Variants in TULP4 observed in about 807,000 individuals in gnomAD.
TULP4 encodes tubby-related protein 4.
TULP4 carries 16 observed loss-of-function variants against 129.0 expected under a neutral mutation model. The observed-to-expected ratio is 0.12, with a 90% CI of 0.08 to 0.19. The LOEUF is 0.19. Among genes scored for constraint, TULP4 ranks in the 10% least tolerant of loss-of-function variants. The pLI is 1.00. For synonymous variants in TULP4, 998 were observed against 854.0 expected (o/e 1.17, Z -2.94); for missense variants, 1,842 against 2,059.1 (o/e 0.89, Z 2.04).
At chr6:158,273,823 A>G (rs1349107472) in intron 1 of TULP4, among the ~76,000 whole-genome samples, 1 of 152,220 alleles carries the variant, frequency 6.6e-6, no homozygotes, top group African/African-American at 2.4e-5. Flanking sequence ...TACCAGGCAC[A>G]GTTTTAAGCA....
At chr6:158,294,792 C>T (rs1046934375) in intron 1 of TULP4, among the ~76,000 whole-genome samples, 5 of 152,076 alleles carry the variant, frequency 3.3e-5, no homozygotes, top group African/African-American at 7.2e-5. Context: ...AGCACAGTGG[C>T]GTGATCTCAG....
At chr6:158,403,541 T>A (rs180692057) in intron 1 of TULP4, among the ~76,000 whole-genome samples, 21 of 152,232 alleles carry the variant, frequency 1.4e-4, no homozygotes, top group African/African-American at 4.8e-4. Flanking sequence ...GGTTTCTCCA[T>A]GTTGGTCAGG....
At chr6:158,468,981 C>A (rs933042944) in intron 6 of TULP4, among the ~76,000 whole-genome samples, 2 of 152,200 alleles carry the variant, frequency 1.3e-5, no homozygotes, top group African/African-American at 4.8e-5. Context: ...TAGATTGCAA[C>A]AAGAATTTCG....
intron 5 of TULP4, among the ~76,000 whole-genome samples, chr6:158,459,136 TAGA>T (rs1310437040): frequency 2.0e-5 from 3 of 152,196 alleles, no homozygotes; most frequent in Non-Finnish European, 4.4e-5. Context: ...GCACCTGCAT[TAGA>T]AGAAGTCCTG....
At chr6:158,415,681 A>AC (rs1352552919) in intron 2 of TULP4, among the ~76,000 whole-genome samples, 15 of 151,328 alleles carry the variant, frequency 9.9e-5, no homozygotes, top group South Asian at 2.1e-4. Flanking sequence ...TTAAAAAAAA[A>AC]AAAAAAAGTT....
At chr6:158,468,450 G>A (rs1427337502) in intron 6 of TULP4, among the ~76,000 whole-genome samples, 3 of 152,034 alleles carry the variant, frequency 2.0e-5, no homozygotes, top group Non-Finnish European at 4.4e-5. Flanking sequence ...TTGAACCCCA[G>A]CATTATGTAA....
chr6:158,454,771 A>G (rs964479847), intron 5 of TULP4, among the ~76,000 whole-genome samples: 3 of 151,814 alleles, frequency 2.0e-5, no homozygotes, highest in Admixed American at 6.6e-5. Flanking sequence ...ACGCCTGGCT[A>G]ATTTTGGTAT....
intron 1 of TULP4, among the ~76,000 whole-genome samples, chr6:158,359,629 C>G (rs1304814758): frequency 6.6e-6 from 1 of 151,998 alleles, no homozygotes; most frequent in Non-Finnish European, 1.5e-5. Context: ...TGGTGCCCAC[C>G]CGGATTGAGG....
intron 1 of TULP4, among the ~76,000 whole-genome samples, chr6:158,292,381 G>T (rs781132128): frequency 6.6e-6 from 1 of 152,078 alleles, no homozygotes; most frequent in Non-Finnish European, 1.5e-5. Flanking sequence ...TTTTGTATCC[G>T]CTCTTGTGTC....
intron 1 of TULP4, 138 bp from the exon 2 acceptor site, chr6:158,412,927 C>T (rs1778129236): frequency 8.0e-7 from 1 of 1,248,484 alleles, no homozygotes; most frequent in South Asian, 1.7e-5. Context: ...TGTTCCCTGC[C>T]CTGATCCCTG....
chr6:158,308,865 G>A (rs1367637697), upstream of TULP4, among the ~76,000 whole-genome samples: 1 of 139,606 alleles, frequency 7.2e-6, no homozygotes, highest in Non-Finnish European at 1.6e-5. Flanking sequence ...CCCGGACGGG[G>A]CGGCTGGCCG....
chr6:158,318,717 A>T (rs1196066720), intron 1 of TULP4, among the ~76,000 whole-genome samples: 1 of 151,852 alleles, frequency 6.6e-6, no homozygotes, highest in African/African-American at 2.4e-5. Context: ...CTCAATTGTT[A>T]TATCTTTTTT....
chr6:158,475,152 T>G (rs903806397), intron 6 of TULP4, among the ~76,000 whole-genome samples: 1 of 152,260 alleles, frequency 6.6e-6, no homozygotes, highest in African/African-American at 2.4e-5. Context: ...ATTGCCACAC[T>G]CCCTGGTGGG....
intron 12 of TULP4, among the ~76,000 whole-genome samples, chr6:158,499,516 T>G (rs951969209): frequency 9.2e-5 from 14 of 152,230 alleles, no homozygotes; most frequent in Admixed American, 2.0e-4. Context: ...GACTTCCAAT[T>G]AGTCTGGCCA....
intron 1 of TULP4, among the ~76,000 whole-genome samples, chr6:158,323,920 G>T (rs982767715): frequency 6.6e-6 from 1 of 152,000 alleles, no homozygotes; most frequent in Non-Finnish European, 1.5e-5. Context: ...ATATCAGTTA[G>T]CTTAAGGTAA....
intron 1 of TULP4, among the ~76,000 whole-genome samples, chr6:158,321,415 C>G (rs960656365): frequency 6.6e-6 from 1 of 152,162 alleles, no homozygotes; most frequent in Non-Finnish European, 1.5e-5. Context: ...AGATACCTCT[C>G]TCTGTCTGCC....
intron 1 of TULP4, among the ~76,000 whole-genome samples, chr6:158,335,806 A>G (rs1016706587): frequency 1.3e-5 from 2 of 152,214 alleles, no homozygotes; most frequent in African/African-American, 4.8e-5. Flanking sequence ...ATGTATACAC[A>G]TATACTACTG....
intron 5 of TULP4, 31 bp downstream of exon 5, chr6:158,452,299 C>T (rs373619196): frequency 4.3e-6 from 7 of 1,609,220 alleles, no homozygotes; most frequent in African/African-American, 2.7e-5. Flanking sequence ...CCCAAACCTG[C>T]AGACCGGGCC....
intron 1 of TULP4, among the ~76,000 whole-genome samples, chr6:158,384,431 G>C (rs957602615): frequency 6.6e-6 from 1 of 151,894 alleles, no homozygotes; most frequent in Non-Finnish European, 1.5e-5. Context: ...GGGACTACAG[G>C]CACCCACCAC....
Sources: allele counts gnomAD v4.1 joint callset (sites outside exome capture counted in the v4.1 genomes callset), GRCh38; gene constraint gnomAD v4.1.1; transcripts MANE v1.5; gene names NCBI Gene and HGNC (gene_info 2026-07-23, HGNC 2026-07-21).